The following RBPJ variants were observed in gnomAD, a reference collection of about 807,000 sequenced individuals.
The protein encoded by RBPJ is recombination signal binding protein for immunoglobulin kappa J region.
RBPJ carries 9 observed loss-of-function variants against 67.8 expected under a neutral mutation model. The ratio of observed to expected loss-of-function variants is 0.13; its 90% CI spans 0.08 to 0.23. RBPJ has a LOEUF of 0.23. Among genes scored for constraint, RBPJ ranks in the 10% least tolerant of loss-of-function variants. The pLI is 1.00. For synonymous variants in RBPJ, 198 were observed against 203.3 expected, an observed-to-expected ratio of 0.97 and a Z score of 0.22; for missense variants, 305 against 595.6, an observed-to-expected ratio of 0.51 and a Z score of 5.08.
chr4:26,361,520 G>C (rs148975867), intron 1 of RBPJ, among the ~76,000 whole-genome samples: 106 of 152,102 alleles, frequency 7.0e-4, no homozygotes, highest in Middle Eastern at 3.4e-3. Flanking sequence ...CACATGCCTA[G>C]AGTGGAACAG....
At chr4:26,351,772 A>G (rs1028386711) in intron 1 of RBPJ, among the ~76,000 whole-genome samples, 1 of 152,234 alleles carries the variant, frequency 6.6e-6, no homozygotes, top group Non-Finnish European at 1.5e-5. Context: ...ACAACTATGT[A>G]TATCTTCCTG....
At chr4:26,186,163 G>A (rs1425064476) in intron 1 of RBPJ, among the ~76,000 whole-genome samples, 4 of 138,676 alleles carry the variant, frequency 2.9e-5, no homozygotes, top group Non-Finnish European at 6.0e-5. Context: ...AGAGAATACC[G>A]TAACTTCTTT....
intron 1 of RBPJ, among the ~76,000 whole-genome samples, chr4:26,165,282 A>G (rs1044678392): frequency 6.6e-6 from 1 of 152,212 alleles, no homozygotes; most frequent in Non-Finnish European, 1.5e-5. Context: ...CTTTTTCTAA[A>G]GCAAAATATG....
In RBPJ at chr4:26,430,556, T is replaced by C; in HGVS notation, c.1148+34T>C. On this transcript the variant is annotated intron_variant, in intron 10 of 10. Transcript: ENST00000355476. The surrounding 1 kb of genome is among the most constrained non-coding windows in gnomAD (Gnocchi z 4.1). Reference sequence around the variant, plus strand: ...TAAAACTTTTTGCATCATCCAGAGGTTGTGAGGGGTGTGGGTACAGGAGAT... The same window carrying C: ...TAAAACTTTTTGCATCATCCAGAGGCTGTGAGGGGTGTGGGTACAGGAGAT... 1.3e-6 allele frequency: 2 copies of C among 1,551,998 alleles called. No homozygotes were observed. Among genetic ancestry groups the C allele is most frequent in the African/African-American group, 1.4e-5 (1 of 73,092 alleles).
chr4:26,394,812 CT>C (rs1731952534), intron 2 of RBPJ, among the ~76,000 whole-genome samples: 1 of 152,192 alleles, frequency 6.6e-6, no homozygotes, highest in Non-Finnish European at 1.5e-5. Flanking sequence ...TCTTAACCTT[CT>C]CCCCTACAAC....
intron 1 of RBPJ, among the ~76,000 whole-genome samples, chr4:26,261,348 A>C (rs1720527675): frequency 6.6e-6 from 1 of 152,160 alleles, no homozygotes; most frequent in Non-Finnish European, 1.5e-5. Context: ...TAGAGGTTAA[A>C]AAAAAAGGCA....
intron 1 of RBPJ, among the ~76,000 whole-genome samples, chr4:26,198,626 T>A (rs1366238201): frequency 6.6e-6 from 1 of 152,196 alleles, no homozygotes; most frequent in Non-Finnish European, 1.5e-5. Flanking sequence ...GGAACTACTA[T>A]CTCCATTTTC....
rs1365922614 is a variant in RBPJ, at chr4:26,424,519, A to G, written c.634+40A>G. Reference sequence around the variant, plus strand: ...GTGCATTTAATGTTTTTAGTGTGAAATTGTTAAAATCTTTTGATGAGATAC... The same window carrying G: ...GTGCATTTAATGTTTTTAGTGTGAAGTTGTTAAAATCTTTTGATGAGATAC... On this transcript the variant is annotated intron_variant, in intron 6 of 10. Coordinates refer to ENST00000355476, the MANE Select transcript of RBPJ (RefSeq NM_015874.6). This position sits in a 1 kb window ranked among gnomAD's most constrained non-coding sequence, Gnocchi z 5.3. 2 of 1,602,780 alleles carry G rather than the reference A, an allele frequency of 1.2e-6. No individual in the cohort carries two copies. The highest frequency in any genetic ancestry group is 1.1e-5 in the South Asian group (1 of 89,656).
At chr4:26,214,981 A>AAGGACGGAAGGG in intron 1 of RBPJ, among the ~76,000 whole-genome samples, 1 of 46,376 alleles carries the variant, frequency 2.2e-5, no homozygotes, top group Non-Finnish European at 3.9e-5. Flanking sequence ...GGAGGGAAGG[A>AAGGACGGAAGGG]AGGAGGGAGG....
intron 1 of RBPJ, among the ~76,000 whole-genome samples, chr4:26,187,100 T>C (rs1437099314): frequency 6.6e-6 from 1 of 152,106 alleles, no homozygotes; most frequent in Non-Finnish European, 1.5e-5. Context: ...TGCATACCTG[T>C]AGTCCCAGCT....
chr4:26,294,790 A>G (rs28521495), intron 1 of RBPJ, among the ~76,000 whole-genome samples: 12,557 of 151,846 alleles, frequency 0.083, 1,624 homozygotes, highest in African/African-American at 0.27. Context: ...GCTGAGGCAC[A>G]AGAATCACCT....
intron 1 of RBPJ, among the ~76,000 whole-genome samples, chr4:26,193,260 A>G (rs765764869): frequency 7.2e-5 from 11 of 152,232 alleles, no homozygotes; most frequent in Non-Finnish European, 1.2e-4. Context: ...GTATCAGTGG[A>G]GGGATGAATA....
In RBPJ at chr4:26,198,029, G is replaced by T. The variant is rs961091387; in HGVS notation, c.-167+34415G>T. 2.0e-5 allele frequency among the ~76,000 whole-genome samples: 3 copies of T among 152,010 alleles called. No homozygotes were observed. In the South Asian group the frequency reaches 6.2e-4, roughly 32 times the overall value. ...TCCCAGCACTTTGGGAGGCCGAGGG[G>T]GGTGGATCACCTGAGGTCAGGAGTT... On this transcript the variant is annotated intron_variant, in intron 1 of 4. Coordinates refer to the RBPJ transcript ENST00000512351.
chr4:26,287,566 AAGGAAAGGAAAGGACAGGAG>A (rs1442404581), intron 1 of RBPJ, among the ~76,000 whole-genome samples: 2 of 41,842 alleles, frequency 4.8e-5, no homozygotes, highest in African/African-American at 1.4e-4. Context: ...AAGGAAAGGA[AAGGAAAGGAAAGGACAGGAG>A]AGGAGAGGGG....
At chr4:26,272,087 A>G (rs1344324390) in intron 1 of RBPJ, among the ~76,000 whole-genome samples, 1 of 152,234 alleles carries the variant, frequency 6.6e-6, no homozygotes, top group Non-Finnish European at 1.5e-5. Context: ...ATAAGAATCA[A>G]TAGGGAAAAA....
upstream of RBPJ, among the ~76,000 whole-genome samples, chr4:26,315,074 G>A (rs574912388): frequency 1.9e-4 from 28 of 148,524 alleles, 1 homozygote; most frequent in African/African-American, 6.5e-4. Context: ...GAACCCAGGA[G>A]GGGGAGGTTG....
At chr4:26,196,507 A>T (rs1391422514) in intron 1 of RBPJ, among the ~76,000 whole-genome samples, 1 of 152,170 alleles carries the variant, frequency 6.6e-6, no homozygotes, top group Non-Finnish European at 1.5e-5. Context: ...AAAATGCTTC[A>T]AATGTTTTAT....
At chr4:26,411,284 G>T (rs979659205) in intron 3 of RBPJ, among the ~76,000 whole-genome samples, 1 of 151,096 alleles carries the variant, frequency 6.6e-6, no homozygotes, top group Non-Finnish European at 1.5e-5. Flanking sequence ...AAATAAAGAT[G>T]TATTTAAGTT....
At chr4:26,294,122 G>A (rs183537118) in intron 1 of RBPJ, among the ~76,000 whole-genome samples, 3 of 149,140 alleles carry the variant, frequency 2.0e-5, no homozygotes, top group African/African-American at 7.4e-5. Flanking sequence ...TTTTGAGATG[G>A]AGTCTCACTC....
Sources: gnomAD v4.1 joint callset for allele counts (sites outside exome capture counted in the v4.1 genomes callset) on GRCh38, gnomAD v4.1.1 for gene constraint, Gnocchi (gnomAD v3.1) non-coding constraint, MANE v1.5 for transcripts, NCBI Gene and HGNC (gene_info 2026-07-23, HGNC 2026-07-21) for gene names.